The following WBP1L variants were observed in gnomAD, a reference collection of about 807,000 sequenced individuals.
WBP1L encodes WW domain binding protein 1-like.
A neutral mutation model predicts 33.7 loss-of-function variants in WBP1L; 17 were observed. The observed-to-expected ratio is 0.50, with a 90% CI of 0.34 to 0.76. WBP1L has a LOEUF of 0.76. Among genes scored for constraint, WBP1L ranks in the 30% least tolerant of loss-of-function variants. The pLI is 0.01. For missense variants in WBP1L, 389 were observed against 469.4 expected (o/e 0.83, Z 1.58); for synonymous variants, 173 against 190.8 (o/e 0.91, Z 0.77).
chr10:102,754,441 C>T (rs987446652), intron 1 of WBP1L, among the ~76,000 whole-genome samples: 2 of 152,142 alleles, frequency 1.3e-5, no homozygotes, highest in African/African-American at 4.8e-5. Flanking sequence ...CTCTGTTGCC[C>T]AAGCTGGAGT....
chr10:102,747,266 A>G (rs562284582), intron 1 of WBP1L, among the ~76,000 whole-genome samples: 1 of 151,474 alleles, frequency 6.6e-6, no homozygotes, highest in East Asian at 2.0e-4. Flanking sequence ...AGGCTGAGGC[A>G]GAAGAATCGC....
intron 1 of WBP1L, among the ~76,000 whole-genome samples, chr10:102,761,376 GCAATCTGCCTGC>G (rs1323009622): frequency 6.6e-6 from 1 of 151,742 alleles, no homozygotes; most frequent in Non-Finnish European, 1.5e-5. Flanking sequence ...CTGACCTCAG[GCAATCTGCCTGC>G]CTCGGCCTCC....
chr10:102,761,998 C>T (rs1406869327), intron 1 of WBP1L, among the ~76,000 whole-genome samples: 2 of 152,140 alleles, frequency 1.3e-5, no homozygotes, highest in African/African-American at 2.4e-5. Context: ...CAAGTGTGTG[C>T]CACCACATCT....
intron 2 of WBP1L, among the ~76,000 whole-genome samples, chr10:102,802,382 T>G (rs1016199166): frequency 6.6e-6 from 1 of 151,646 alleles, no homozygotes; most frequent in African/African-American, 2.4e-5. Context: ...CGTTTTTTTT[T>G]GTTTTGTTTT....
chr10:102,786,536 A>T (rs931538220), intron 1 of WBP1L, among the ~76,000 whole-genome samples: 3 of 152,220 alleles, frequency 2.0e-5, no homozygotes, highest in African/African-American at 7.2e-5. Flanking sequence ...TCTGGGGCCC[A>T]TGGACCACAC....
At chr10:102,768,418 G>C (rs7083853) in intron 1 of WBP1L, among the ~76,000 whole-genome samples, 896 of 11,908 alleles carry the variant, frequency 0.075, 1 homozygote, top group East Asian at 0.14. Flanking sequence ...TCGCTCTGTC[G>C]CCCAGGCTGG....
intron 1 of WBP1L, among the ~76,000 whole-genome samples, chr10:102,778,067 C>T (rs1843290565): frequency 6.6e-6 from 1 of 152,208 alleles, no homozygotes; most frequent in African/African-American, 2.4e-5. Context: ...AGGTCTTGGG[C>T]AGGCCCTTAA....
chr10:102,746,232 C>G lies in WBP1L; in HGVS notation c.90+2089C>G, dbSNP rs1250650938. 5.6e-6 allele frequency: 5 copies of G among 890,030 alleles called. No individual in the cohort carries two copies. In the Admixed American group the frequency reaches 3.1e-4, roughly 55 times the overall value. 55.1% of individuals were successfully genotyped at this position (890,030 alleles called of 1,614,324 possible). On this transcript the variant is annotated intron_variant, in intron 1 of 3. Coordinates refer to ENST00000448841, the MANE Select transcript of WBP1L (RefSeq NM_001083913.2). The stretch of plus-strand genomic sequence containing the variant: ...TTATATTCTAATTGCAGTTTGCAAA[C>G]CACAGGCTGCTTTCTTATATCTGTG...
chr10:102,776,361 C>G, intron 1 of WBP1L: 3 of 1,614,114 alleles, frequency 1.9e-6, no homozygotes, highest in Non-Finnish European at 1.7e-6. Context: ...CCCTTTGTTC[C>G]AACGTTAGTG....
In WBP1L at chr10:102,744,032, GAGGAGC is replaced by G. The variant is rs748061310; in HGVS notation, c.-10_-5del. On this transcript the variant is annotated 5_prime_UTR_variant, in exon 1 of 4. Coordinates refer to ENST00000448841, the MANE Select transcript of WBP1L (RefSeq NM_001083913.2). ...GGAGGGAGGTGGCGGCGCCGTGGCG[GAGGAGC>G]AGGAGCAGGAGGGGGATGGAGAGGA... 16 of 1,531,696 alleles carry G rather than the reference GAGGAGC, an allele frequency of 1.0e-5. No individual in the cohort carries two copies. The highest frequency in any genetic ancestry group is 4.9e-5 in the East Asian group (2 of 40,416). The allele number at this position is 1,531,696 out of a possible 1,614,324, so 94.9% of individuals were successfully genotyped here.
At chr10:102,748,287 A>AT (rs1020208366) in intron 1 of WBP1L, among the ~76,000 whole-genome samples, 78 of 152,032 alleles carry the variant, frequency 5.1e-4, no homozygotes, top group Non-Finnish European at 9.6e-4. Context: ...AACAAAAAAA[A>AT]ACTTTGAGCT....
chr10:102,796,908 C>T (rs1050787829), intron 1 of WBP1L, among the ~76,000 whole-genome samples: 7 of 152,012 alleles, frequency 4.6e-5, no homozygotes, highest in Admixed American at 3.3e-4. Context: ...ACATGTGAAA[C>T]TTTTTTTTAA....
At chr10:102,802,892 A>G (rs1843677906) in intron 2 of WBP1L, among the ~76,000 whole-genome samples, 2 of 152,246 alleles carry the variant, frequency 1.3e-5, no homozygotes, top group South Asian at 2.1e-4. Flanking sequence ...GCCTGTAACA[A>G]CAACAATAAA....
Position 102,813,590 on chromosome 10 carries a change from C to G in WBP1L, c.*259C>G. 2.0e-6 allele frequency: 1 copy of G among 510,286 alleles called. No individual in the cohort carries two copies. Among genetic ancestry groups the G allele is most frequent in the African/African-American group, 1.9e-5 (1 of 52,268 alleles). 31.6% of individuals were successfully genotyped at this position (510,286 alleles called of 1,614,324 possible). ...CTCATTCCTCATACCCTAACTCCAT[C>G]TCCTTTCTTTAAAGTCAAATCTCAC... is the stretch of plus-strand genomic sequence containing the variant. On this transcript the variant is annotated 3_prime_UTR_variant, in exon 4 of 4. Coordinates refer to ENST00000448841, the MANE Select transcript of WBP1L (RefSeq NM_001083913.2).
intron 1 of WBP1L, among the ~76,000 whole-genome samples, chr10:102,773,019 C>T (rs930229691): frequency 1.3e-5 from 2 of 151,490 alleles, no homozygotes. Flanking sequence ...AAGGATTTAC[C>T]CTACCTTTGG....
chr10:102,767,216 ATTG>A (rs1843122438), intron 1 of WBP1L, among the ~76,000 whole-genome samples: 2 of 152,316 alleles, frequency 1.3e-5, no homozygotes, highest in Admixed American at 6.5e-5. Context: ...ATGGCAGCGA[ATTG>A]TTGTGCAGCC....
chr10:102,756,443 T>C (rs550398194), intron 1 of WBP1L, among the ~76,000 whole-genome samples: 22 of 152,164 alleles, frequency 1.4e-4, no homozygotes, highest in African/African-American at 4.3e-4. Flanking sequence ...TCATTTGTAA[T>C]GTAGCATTTC....
At chr10:102,748,855 A>G (rs1375007262) in intron 1 of WBP1L, among the ~76,000 whole-genome samples, 2 of 152,272 alleles carry the variant, frequency 1.3e-5, no homozygotes, top group Non-Finnish European at 2.9e-5. Context: ...TTCATTAAGG[A>G]AAAAGCATTT....
chr10:102,810,044 A>G lies in WBP1L; in HGVS notation c.345A>G (p.Pro115=), dbSNP rs747672604. The change falls in exon 3 of 4, where the codon CCA becomes CCG. Residue 115 remains proline (P), a synonymous_variant. Transcript: ENST00000448841. ...AAGCCCACAATTACTCAGCGCTGCC[A>G]TTTTATTTCAGTACGTACACCCAAG... The part of the protein sequence containing the change: ...YREAHNYSAL[P]FYFRFLPNYL... 2.5e-6 allele frequency: 4 copies of G among 1,611,624 alleles called. No homozygotes were observed. In the East Asian group the frequency reaches 8.9e-5, roughly 36 times the overall value.
Sources: allele counts gnomAD v4.1 joint callset (sites outside exome capture counted in the v4.1 genomes callset), GRCh38; gene constraint gnomAD v4.1.1; transcripts MANE v1.5; gene names NCBI Gene and HGNC (gene_info 2026-07-23, HGNC 2026-07-21).